Variants in AK5 observed in about 807,000 individuals in gnomAD.
AK5 encodes the protein adenylate kinase isoenzyme 5.
Under a neutral mutation model 69.5 loss-of-function variants are expected in AK5, and 27 were observed. The ratio of observed to expected loss-of-function variants is 0.39; its 90% CI spans 0.29 to 0.54. The LOEUF (loss-of-function observed/expected upper bound fraction) is 0.54. AK5 is among the 20% of genes least tolerant of loss of function. The probability of loss-of-function intolerance (pLI) is 0.71; values close to 1 mark genes in which losing one functional copy is unlikely to be tolerated. For missense variants in AK5, 531 were observed against 700.4 expected, an observed-to-expected ratio of 0.76 and a Z score of 2.73; for synonymous variants, 260 against 244.4, an observed-to-expected ratio of 1.06 and a Z score of -0.60.
chr1:77,474,208 C>G (rs536355159), intron 8 of AK5, among the ~76,000 whole-genome samples: 1 of 152,328 alleles, frequency 6.6e-6, no homozygotes, highest in African/African-American at 2.4e-5. Context: ...GCAGTCTCTC[C>G]CGAATGTCTC....
Position 77,283,024 on chromosome 1 carries a change from A to G in AK5, c.60+651A>G, listed in dbSNP as rs1658147410. ...GGGCCGCAGGTTTCGCCAGTGCTCGACAACCCACCTGGAGATAGCGGGTCG... is the reference window on the plus strand; with the variant it reads ...GGGCCGCAGGTTTCGCCAGTGCTCGGCAACCCACCTGGAGATAGCGGGTCG... On this transcript the variant is annotated intron_variant, in intron 1 of 13. Transcript: ENST00000354567. 10 of 985,634 alleles carry G rather than the reference A, an allele frequency of 1.0e-5. No homozygotes were observed. The South Asian group carries it at 4.2e-4, about 42-fold the overall frequency. 61.1% of individuals were successfully genotyped at this position (985,634 alleles called of 1,614,324 possible).
intron 6 of AK5, among the ~76,000 whole-genome samples, chr1:77,399,375 T>G (rs1242907128): frequency 2.6e-5 from 4 of 152,116 alleles, no homozygotes; most frequent in Non-Finnish European, 5.9e-5. Flanking sequence ...AACCACAACC[T>G]CCTGCATGGC....
intron 8 of AK5, among the ~76,000 whole-genome samples, chr1:77,479,367 G>A (rs1467750231): frequency 4.6e-5 from 7 of 151,868 alleles, no homozygotes; most frequent in East Asian, 1.9e-4. Context: ...CACTATGCCC[G>A]GCTAATTTTT....
chr1:77,284,606 G>A (rs1041196765), intron 1 of AK5, among the ~76,000 whole-genome samples: 1 of 152,022 alleles, frequency 6.6e-6, no homozygotes, highest in Non-Finnish European at 1.5e-5. Context: ...TTATTATTTT[G>A]TCATGAGTTC....
intron 7 of AK5, among the ~76,000 whole-genome samples, chr1:77,415,754 G>A (rs1323827775): frequency 6.6e-6 from 1 of 152,190 alleles, no homozygotes; most frequent in Non-Finnish European, 1.5e-5. Flanking sequence ...TGTAGCGAAA[G>A]AGGGTCTGTA....
rs573104305 is a variant in AK5, at chr1:77,538,654, T to TA, written c.1620+2627dup. On this transcript the variant is annotated intron_variant, in intron 13 of 13. Coordinates refer to ENST00000354567, the MANE Select transcript of AK5 (RefSeq NM_174858.3). Reference sequence around the variant, plus strand: ...GACAGAGAGTCCCTGTCTCAAAAAATAAAAAAAAAAATTAAAAAAAAGAAA... The same window carrying TA: ...GACAGAGAGTCCCTGTCTCAAAAAATAAAAAAAAAAAATTAAAAAAAAGAAA... 9.5e-4 allele frequency among the ~76,000 whole-genome samples: 138 copies of TA among 145,228 alleles called. 1 individual carries two copies. The highest frequency in any genetic ancestry group is 2.1e-3 in the African/African-American group (82 of 39,682).
chr1:77,548,579 G>A (rs1043418771), intron 13 of AK5, among the ~76,000 whole-genome samples: 14 of 152,158 alleles, frequency 9.2e-5, no homozygotes, highest in African/African-American at 2.7e-4. Context: ...TGTCCCAGAG[G>A]TTCCATGGTG....
chr1:77,425,542 A>G (rs917836223), intron 8 of AK5, among the ~76,000 whole-genome samples: 2 of 152,146 alleles, frequency 1.3e-5, no homozygotes, highest in African/African-American at 4.8e-5. Context: ...AGCCAAGATC[A>G]TGCCACTGCA....
intron 10 of AK5, among the ~76,000 whole-genome samples, chr1:77,515,740 C>T (rs1182366087): frequency 1.3e-5 from 2 of 152,058 alleles, no homozygotes; most frequent in African/African-American, 4.8e-5. Flanking sequence ...CTGAGGACGA[C>T]CTTGATCATT....
intron 8 of AK5, among the ~76,000 whole-genome samples, chr1:77,435,644 C>CAAAAAAAAAAAAA (rs1202203579): frequency 1.2e-4 from 8 of 66,076 alleles, no homozygotes; most frequent in African/African-American, 4.0e-4. Context: ...GACTCTGTCT[C>CAAAAAAAAAAAAA]AAAAAAAAAA....
intron 6 of AK5, among the ~76,000 whole-genome samples, chr1:77,368,720 T>A (rs918600978): frequency 4.6e-5 from 7 of 152,138 alleles, no homozygotes; most frequent in Non-Finnish European, 1.0e-4. Flanking sequence ...AATCTGAGTA[T>A]CTGAAATCTG....
intron 6 of AK5, among the ~76,000 whole-genome samples, chr1:77,352,123 T>C (rs991742806): frequency 6.6e-6 from 1 of 152,074 alleles, no homozygotes; most frequent in Admixed American, 6.5e-5. Flanking sequence ...AGAGACTGGG[T>C]TTCACCATGT....
At chr1:77,395,846 CT>C (rs1471249609) in intron 6 of AK5, among the ~76,000 whole-genome samples, 5 of 152,208 alleles carry the variant, frequency 3.3e-5, no homozygotes, top group Admixed American at 2.6e-4. Context: ...TCTATTTCTT[CT>C]CGGATAATCC....
At chr1:77,425,289 G>GA (rs1195145775) in intron 8 of AK5, among the ~76,000 whole-genome samples, 4 of 152,110 alleles carry the variant, frequency 2.6e-5, no homozygotes, top group South Asian at 2.1e-4. Context: ...CTTTAAAGAA[G>GA]AAAAAATGAC....
intron 8 of AK5, among the ~76,000 whole-genome samples, chr1:77,443,810 C>T (rs1453864406): frequency 6.6e-6 from 1 of 150,464 alleles, no homozygotes; most frequent in Non-Finnish European, 1.5e-5. Context: ...TTTAAGTAAA[C>T]TTTATTGTAT....
At chr1:77,342,261 C>G (rs925334744) in intron 6 of AK5, among the ~76,000 whole-genome samples, 1 of 152,110 alleles carries the variant, frequency 6.6e-6, no homozygotes, top group Non-Finnish European at 1.5e-5. Flanking sequence ...AAACCAAACC[C>G]CAACTGTAAG....
intron 5 of AK5, among the ~76,000 whole-genome samples, chr1:77,330,465 C>T (rs1306237065): frequency 6.6e-6 from 1 of 152,118 alleles, no homozygotes; most frequent in East Asian, 1.9e-4. Flanking sequence ...ATATGGACAT[C>T]CACTTTACCC....
chr1:77,375,978 G>T (rs1647221121), intron 6 of AK5, among the ~76,000 whole-genome samples: 1 of 152,126 alleles, frequency 6.6e-6, no homozygotes, highest in South Asian at 2.1e-4. Flanking sequence ...GAGAATGAAG[G>T]TACAAATGTA....
intron 5 of AK5, among the ~76,000 whole-genome samples, chr1:77,338,309 C>G (rs1462264183): frequency 6.6e-6 from 1 of 152,116 alleles, no homozygotes; most frequent in Non-Finnish European, 1.5e-5. Flanking sequence ...ACAGTGATAA[C>G]TTGGATAGAT....
Sources: allele counts gnomAD v4.1 joint callset (sites outside exome capture counted in the v4.1 genomes callset), GRCh38; gene constraint gnomAD v4.1.1; transcripts MANE v1.5; gene names NCBI Gene and HGNC (gene_info 2026-07-23, HGNC 2026-07-21).